TNRC6B: variants seen among roughly 807,000 people sequenced by gnomAD.
TNRC6B encodes the protein trinucleotide repeat-containing gene 6B protein.
In TNRC6B, 52 loss-of-function variants were observed where a neutral mutation model predicts 203.6. That is an observed-to-expected ratio of 0.26 (90% CI 0.20 to 0.32). The LOEUF is 0.32. Among genes scored for constraint, TNRC6B ranks in the 10% least tolerant of loss-of-function variants. TNRC6B has a pLI of 1.00. For missense variants in TNRC6B, 1,923 were observed against 2,286.2 expected (o/e 0.84, Z 3.24); for synonymous variants, 838 against 845.7 (o/e 0.99, Z 0.16).
chr22:40,217,648 C>A (rs1354237333), intron 1 of TNRC6B, among the ~76,000 whole-genome samples: 2 of 152,162 alleles, frequency 1.3e-5, no homozygotes, highest in Non-Finnish European at 2.9e-5. Context: ...TTTAGTCTGT[C>A]TGAAAATAGT....
chr22:40,315,181 A>C (rs182079146), intron 19 of TNRC6B, 102 bp from the exon 20 acceptor site: 3 of 852,056 alleles, frequency 3.5e-6, no homozygotes, highest in South Asian at 1.7e-5. Context: ...TTAGAATATA[A>C]ATGTGCATGT....
At chr22:40,076,760 T>A (rs1860851558) in intron 1 of TNRC6B, among the ~76,000 whole-genome samples, 1 of 152,166 alleles carries the variant, frequency 6.6e-6, no homozygotes, top group South Asian at 2.1e-4. Context: ...AATACTGTAG[T>A]ATGGATGCTT....
chr22:40,193,985 G>A (rs942537571), intron 1 of TNRC6B, among the ~76,000 whole-genome samples: 1 of 152,218 alleles, frequency 6.6e-6, no homozygotes, highest in Non-Finnish European at 1.5e-5. Context: ...CCCAGCAAGG[G>A]AAGGTGAAGA....
intron 7 of TNRC6B, chr22:40,276,850 C>A (rs974433196): frequency 1.2e-4 from 43 of 357,260 alleles, no homozygotes; most frequent in East Asian, 4.2e-4. Context: ...ATGTATTTTT[C>A]CAGTTACTTC....
At chr22:40,216,617 T>TA (rs1040665349) in intron 1 of TNRC6B, among the ~76,000 whole-genome samples, 42 of 151,942 alleles carry the variant, frequency 2.8e-4, no homozygotes, top group African/African-American at 9.4e-4. Flanking sequence ...GTCTCAAAAA[T>TA]AAAAAAACAG....
At chr22:40,264,225 G>A (rs1601467610) in intron 4 of TNRC6B, among the ~76,000 whole-genome samples, 2 of 152,342 alleles carry the variant, frequency 1.3e-5, no homozygotes, top group East Asian at 3.9e-4. Flanking sequence ...GTTGGTCCCA[G>A]GTCATGGAAC....
chr22:40,143,603 C>T (rs1199604782), intron 3 of TNRC6B, among the ~76,000 whole-genome samples: 4 of 152,124 alleles, frequency 2.6e-5, no homozygotes, highest in African/African-American at 9.7e-5. Flanking sequence ...CATTCTCCTG[C>T]CTCACTGCCT....
chr22:40,048,669 A>G (rs984698931), intron 1 of TNRC6B, among the ~76,000 whole-genome samples: 11 of 152,196 alleles, frequency 7.2e-5, no homozygotes, highest in African/African-American at 2.4e-4. Context: ...AACATACAGT[A>G]ATATTGACTT....
intron 1 of TNRC6B, among the ~76,000 whole-genome samples, chr22:40,180,540 C>T (rs1448226121): frequency 6.6e-6 from 1 of 152,208 alleles, no homozygotes; most frequent in Non-Finnish European, 1.5e-5. Flanking sequence ...GTATGGGAAG[C>T]ATTATGGCTC....
chr22:40,267,471 C>T (rs2070497510), intron 5 of TNRC6B, among the ~76,000 whole-genome samples: 1 of 152,196 alleles, frequency 6.6e-6, no homozygotes, highest in African/African-American at 2.4e-5. Context: ...TTTCCAAAGG[C>T]CATGATGATG....
intron 17 of TNRC6B, 23 bp downstream of exon 17, chr22:40,311,016 C>T (rs1569064913): frequency 6.3e-7 from 1 of 1,590,536 alleles, no homozygotes; most frequent in South Asian, 1.1e-5. Context: ...AAATGCTTTT[C>T]CCAGGATAGC....
intron 2 of TNRC6B, among the ~76,000 whole-genome samples, chr22:40,123,014 C>G (rs2068458957): frequency 6.6e-6 from 1 of 152,142 alleles, no homozygotes; most frequent in Non-Finnish European, 1.5e-5. Flanking sequence ...TCAGGTCTAG[C>G]AATAGTAAGG....
Position 40,266,942 on chromosome 22 carries a change from C to T in TNRC6B, c.2712C>T (p.Tyr904=), listed in dbSNP as rs2070490297. The change falls in exon 5 of 23, where the codon TAC becomes TAT. Residue 904 remains tyrosine, a synonymous_variant. Coordinates refer to ENST00000454349, the MANE Select transcript of TNRC6B (RefSeq NM_001162501.2). ...GGGGAGACCCTAACAGTTATAACTA[C>T]AAGAATGTGAATCTGTGGGATAAGA... ...SAWGDPNSYN[Y]KNVNLWDKNS... 1 of 1,613,808 alleles carries T rather than the reference C, an allele frequency of 6.2e-7. No homozygotes were observed. Among genetic ancestry groups the T allele is most frequent in the Non-Finnish European group, 8.5e-7 (1 of 1,179,828 alleles).
chr22:40,280,006 G>C lies in TNRC6B; in HGVS notation c.3274G>C (p.Asp1092His). 6.2e-7 allele frequency: 1 copy of C among 1,613,874 alleles called. No homozygotes were observed. ...ATGCTACTTTTCAGGAAGCCTTTCA[G>C]ATAAAAAATTTGATGTGGACAAGCG... ...KMDLSVGSLSDKKFDVDKRAM... is the reference protein window; with the variant it reads ...KMDLSVGSLSHKKFDVDKRAM... Residue 1092 changes from aspartate to histidine, a missense_variant, in exon 10 of 23, where the codon GAT (aspartate) becomes CAT (histidine). Transcript: ENST00000454349.
intron 1 of TNRC6B, among the ~76,000 whole-genome samples, chr22:40,067,182 T>C (rs1002672517): frequency 5.3e-5 from 8 of 152,152 alleles, no homozygotes; most frequent in African/African-American, 1.9e-4. Flanking sequence ...GAAACTGATA[T>C]CACTCTGTCA....
chr22:40,136,246 G>C (rs1356977925), intron 3 of TNRC6B, among the ~76,000 whole-genome samples: 1 of 152,170 alleles, frequency 6.6e-6, no homozygotes, highest in Non-Finnish European at 1.5e-5. Context: ...TAGAGATTCT[G>C]TAGCTCTAGA....
At chr22:40,167,103 T>C (rs2068926745) in intron 4 of TNRC6B, among the ~76,000 whole-genome samples, 1 of 152,190 alleles carries the variant, frequency 6.6e-6, no homozygotes, top group Non-Finnish European at 1.5e-5. Flanking sequence ...TCAGTCATGA[T>C]AGAGTGAGTT....
At chr22:40,059,718 T>C (rs546395196) in intron 1 of TNRC6B, among the ~76,000 whole-genome samples, 22 of 152,278 alleles carry the variant, frequency 1.4e-4, no homozygotes, top group Non-Finnish European at 2.8e-4. Context: ...TTTTTTCTTT[T>C]TTAGTCTGTT....
intron 1 of TNRC6B, among the ~76,000 whole-genome samples, chr22:40,060,063 G>A (rs1286001090): frequency 2.6e-5 from 4 of 150,950 alleles, no homozygotes; most frequent in Admixed American, 6.6e-5. Context: ...TCCTGGCCTC[G>A]TGTGATCCAC....
Sources: allele counts gnomAD v4.1 joint callset (sites outside exome capture counted in the v4.1 genomes callset), GRCh38; gene constraint gnomAD v4.1.1; transcripts MANE v1.5; gene names NCBI Gene and HGNC (gene_info 2026-07-23, HGNC 2026-07-21).